The following UMODL1 variants were observed in gnomAD, a reference collection of about 807,000 sequenced individuals.
The protein encoded by UMODL1 is uromodulin like 1.
In UMODL1, 128 loss-of-function variants were observed where a neutral mutation model predicts 136.3. The ratio of observed to expected loss-of-function variants is 0.94; its 90% CI spans 0.81 to 1.09. UMODL1 has a LOEUF of 1.09. Ranked by LOEUF, UMODL1 falls within the 50% of genes least tolerant of loss-of-function variation. The pLI, the probability that UMODL1 is intolerant of heterozygous loss-of-function variation, is 0.00. For synonymous variants in UMODL1, 721 were observed against 720.0 expected, an observed-to-expected ratio of 1.00 and a Z score of -0.02; for missense variants, 1,766 against 1,725.6, an observed-to-expected ratio of 1.02 and a Z score of -0.41.
At chr21:42,084,876 A>G (rs1419182546) in intron 3 of UMODL1, among the ~76,000 whole-genome samples, 1 of 151,336 alleles carries the variant, frequency 6.6e-6, no homozygotes, top group African/African-American at 2.4e-5. Flanking sequence ...TATAGTATAT[A>G]TCATATTACA....
At position 42,085,174 on chromosome 21, in the gene UMODL1, C is replaced by T. The variant is rs1165456061; in HGVS notation, c.482-117C>T. The T allele has an allele frequency of 7.5e-6, 10 of 1,326,492 alleles. No individual in the cohort carries two copies. The highest frequency in any genetic ancestry group is 2.6e-4 in the Middle Eastern group (1 of 3,916). The allele number at this position is 1,326,492 out of a possible 1,614,324, so 82.2% of individuals were successfully genotyped here. ...ATGTCTTTTTGCAGGGAGGTAAATG[C>T]AGAGCAGGGCCTCTCATGGCCTCTG... On this transcript the variant is annotated intron_variant, in intron 3 of 22. Coordinates refer to ENST00000408910, the MANE Select transcript of UMODL1 (RefSeq NM_001004416.3). The surrounding 1 kb of genome is among the most constrained non-coding windows in gnomAD (Gnocchi z 4.5).
At chr21:42,068,077 A>C (rs1418722577), upstream of UMODL1, among the ~76,000 whole-genome samples, 2 of 151,992 alleles carry the variant, frequency 1.3e-5, no homozygotes, top group African/African-American at 4.8e-5. The surrounding 1 kb of genome is among the most constrained non-coding windows in gnomAD (Gnocchi z 5.5). Flanking sequence ...GAGGAGTGGC[A>C]CTCACTGTCC....
chr21:42,080,961 A>G (rs1474586909), intron 2 of UMODL1, among the ~76,000 whole-genome samples: 1 of 152,238 alleles, frequency 6.6e-6, no homozygotes, highest in African/African-American at 2.4e-5. Flanking sequence ...ACTCATTATC[A>G]TACATAATGC....
chr21:42,133,541 T>G (rs1365459084), intron 21 of UMODL1, among the ~76,000 whole-genome samples: 1 of 152,192 alleles, frequency 6.6e-6, no homozygotes, highest in Non-Finnish European at 1.5e-5. Context: ...TCCCACAGCC[T>G]GGGTGGCTTG....
intron 1 of UMODL1, among the ~76,000 whole-genome samples, chr21:42,072,187 T>C (rs1490953207): frequency 2.0e-5 from 3 of 152,240 alleles, no homozygotes; most frequent in Non-Finnish European, 4.4e-5. Flanking sequence ...ACCAGGGCTC[T>C]GTCCGGAGTT....
intron 6 of UMODL1, chr21:42,093,655 T>A (rs1601202856): frequency 3.5e-6 from 1 of 285,464 alleles, no homozygotes; most frequent in East Asian, 1.0e-4. Flanking sequence ...TCCCCTCCTA[T>A]CAGAATGAGG....
intron 17 of UMODL1, among the ~76,000 whole-genome samples, chr21:42,125,495 C>T (rs1294638877): frequency 2.0e-5 from 3 of 152,216 alleles, no homozygotes; most frequent in East Asian, 1.9e-4. Flanking sequence ...GAGTAACCTG[C>T]ACTGTTTCAA....
chr21:42,129,630 A>G (rs1010030090), intron 20 of UMODL1, 83 bp from the exon 21 acceptor site: 2 of 1,289,940 alleles, frequency 1.6e-6, no homozygotes, highest in Non-Finnish European at 2.1e-6. Context: ...CATACATCAC[A>G]TTAGCATCCT....
At chr21:42,124,359 G>T (rs561508999) in intron 17 of UMODL1, among the ~76,000 whole-genome samples, 2 of 152,192 alleles carry the variant, frequency 1.3e-5, no homozygotes, top group Non-Finnish European at 2.9e-5. Context: ...AGCCCGTGCC[G>T]GCTCTGGGTT....
rs756369454 is a variant in UMODL1 at position 42,126,358 on chromosome 21, C to CCG, written c.3162_3163dup (p.Val1055AlafsTer3). On this transcript the variant is annotated frameshift_variant, in exon 18 of 23. Coordinates refer to ENST00000408910, the MANE Select transcript of UMODL1 (RefSeq NM_001004416.3). LOFTEE classifies it high-confidence loss of function. ...CTTTGTGCTCAGAACATGACGAACA[C>CCG]CGTGGTGAGGACCACGCTGAGGAAC... 1 of 1,614,040 alleles carries CCG rather than the reference C, an allele frequency of 6.2e-7. No individual in the cohort carries two copies. The highest frequency in any genetic ancestry group is 8.5e-7 in the Non-Finnish European group (1 of 1,180,030).
At chr21:42,111,446 G>A (rs1294727350) in intron 11 of UMODL1, 60 bp from the exon 12 acceptor site, 2 of 1,613,684 alleles carry the variant, frequency 1.2e-6, no homozygotes, top group African/African-American at 2.7e-5. Context: ...GAAGGCTACT[G>A]GGTCAACCCA....
rs568547982 is a variant in UMODL1, at chr21:42,102,185, C to G, written c.1206C>G (p.Val402=). ...TCTCAGATGCCCAGGTATTTGAAGT[C>G]ACAATAAAGATTGTAAACCACAACC... ...TIKTNAQVFE[V]TIKIVNHNLT... Residue 402 remains valine, a synonymous_variant, in exon 8 of 23, where the codon GTC becomes GTG. Transcript: ENST00000408910. 1 of 1,612,736 alleles carries G rather than the reference C, an allele frequency of 6.2e-7. No homozygotes were observed. Among genetic ancestry groups the G allele is most frequent in the East Asian group, 2.2e-5 (1 of 44,846 alleles).
In UMODL1 at chr21:42,110,865, G is replaced by A; in HGVS notation, c.1658-15G>A. On this transcript the variant is annotated splice_polypyrimidine_tract_variant and intron_variant, in intron 10 of 22. Coordinates refer to ENST00000408910, the MANE Select transcript of UMODL1 (RefSeq NM_001004416.3). The stretch of plus-strand genomic sequence containing the variant: ...TGGGATCCAGCAGGCTCTGACAGTG[G>A]ATGTGTCTTGGCAGGTGACCTGGTG... 6.3e-7 allele frequency: 1 copy of A among 1,589,478 alleles called. No homozygotes were observed. Among genetic ancestry groups the A allele is most frequent in the Admixed American group, 1.8e-5 (1 of 56,902 alleles).
chr21:42,126,352 C>A lies in UMODL1; in HGVS notation c.3155C>A (p.Thr1052Lys). ...ECGTLMQSNM[T>K]NTVVRTTLRN... Reference sequence around the variant, plus strand: ...GCTCCGCTTTGTGCTCAGAACATGACGAACACCGTGGTGAGGACCACGCTG... The same window carrying A: ...GCTCCGCTTTGTGCTCAGAACATGAAGAACACCGTGGTGAGGACCACGCTG... The change falls in exon 18 of 23, where the codon ACG becomes AAG. Residue 1052 changes from threonine to lysine, a missense_variant. By Grantham distance (78) the Thr-to-Lys change is moderately conservative. Coordinates refer to ENST00000408910, the MANE Select transcript of UMODL1 (RefSeq NM_001004416.3). 1 of 1,614,088 alleles carries A rather than the reference C, an allele frequency of 6.2e-7. No homozygotes were observed. The highest frequency in any genetic ancestry group is 1.1e-5 in the South Asian group (1 of 91,078).
At chr21:42,101,286 C>T (rs1020929648) in intron 7 of UMODL1, among the ~76,000 whole-genome samples, 2 of 152,070 alleles carry the variant, frequency 1.3e-5, no homozygotes, top group African/African-American at 4.8e-5. Flanking sequence ...CGGGGCTCTG[C>T]GATACGTCGG....
intron 21 of UMODL1, among the ~76,000 whole-genome samples, chr21:42,130,245 T>TGTGTGTGTGTGTGTGTGC: frequency 6.6e-6 from 1 of 151,970 alleles, no homozygotes; most frequent in Admixed American, 6.5e-5. Context: ...TGTGTGTGTG[T>TGTGTGTGTGTGTGTGTGC]GCGTGCACAC....
chr21:42,077,491 A>AC (rs1196960229), intron 2 of UMODL1, among the ~76,000 whole-genome samples: 1 of 149,742 alleles, frequency 6.7e-6, no homozygotes, highest in Non-Finnish European at 1.5e-5. Flanking sequence ...AAAGTAGGCA[A>AC]AAAGTTAAAA....
At chr21:42,084,373 C>A in intron 3 of UMODL1, 128 bp downstream of exon 3, 1 of 1,027,046 alleles carries the variant, frequency 9.7e-7, no homozygotes, top group Non-Finnish European at 1.3e-6. Context: ...GGAGCCCCCA[C>A]CGTGTGCACA....
intron 1 of UMODL1, among the ~76,000 whole-genome samples, chr21:42,075,191 C>T (rs1185475524): frequency 2.6e-5 from 4 of 152,008 alleles, no homozygotes; most frequent in African/African-American, 7.3e-5. Context: ...CATGAGCCAC[C>T]GCGCCCAGCC....
Sources: allele counts gnomAD v4.1 joint callset (sites outside exome capture counted in the v4.1 genomes callset), GRCh38; gene constraint gnomAD v4.1.1; non-coding constraint Gnocchi (gnomAD v3.1); transcripts MANE v1.5; gene names NCBI Gene and HGNC (gene_info 2026-07-23, HGNC 2026-07-21).